Variants in TMEM117 observed in about 807,000 individuals in gnomAD.
TMEM117 encodes transmembrane protein 117.
Under a neutral mutation model 52.4 loss-of-function variants are expected in TMEM117, and 27 were observed. The ratio of observed to expected loss-of-function variants is 0.51; its 90% confidence interval spans 0.38 to 0.71. TMEM117 has a LOEUF of 0.71. Ranked by LOEUF, TMEM117 falls within the 30% of genes least tolerant of loss-of-function variation. TMEM117 has a pLI of 0.00. For missense variants in TMEM117, 556 were observed against 630.5 expected, an observed-to-expected ratio of 0.88 and a Z score of 1.26; for synonymous variants, 215 against 206.3, an observed-to-expected ratio of 1.04 and a Z score of -0.36.
intron 6 of TMEM117, among the ~76,000 whole-genome samples, chr12:44,355,077 TTTA>T (rs1400008711): frequency 6.6e-6 from 1 of 152,178 alleles, no homozygotes; most frequent in East Asian, 1.9e-4. Context: ...ATATTCTGTT[TTTA>T]TTATTATTTC....
intron 1 of TMEM117, among the ~76,000 whole-genome samples, chr12:43,842,454 AAT>A (rs1311225269): frequency 1.2e-5 from 1 of 85,448 alleles, no homozygotes; most frequent in East Asian, 2.2e-4. Flanking sequence ...TTCTATTGCC[AAT>A]GTTTATATTG....
At chr12:44,280,335 T>C (rs1950562629) in intron 5 of TMEM117, among the ~76,000 whole-genome samples, 1 of 152,224 alleles carries the variant, frequency 6.6e-6, no homozygotes, top group African/African-American at 2.4e-5. Context: ...CACAGTTCTT[T>C]TATTCACATA....
chr12:43,841,111 G>A (rs1024018966), intron 1 of TMEM117, among the ~76,000 whole-genome samples: 1 of 152,168 alleles, frequency 6.6e-6, no homozygotes, highest in African/African-American at 2.4e-5. Flanking sequence ...GGACCCTCTA[G>A]AAGATATCAC....
chr12:44,306,406 G>C (rs946355752), intron 6 of TMEM117, among the ~76,000 whole-genome samples: 2 of 152,042 alleles, frequency 1.3e-5, no homozygotes, highest in Non-Finnish European at 2.9e-5. Flanking sequence ...AGATATATAT[G>C]TGCAGGTGTG....
chr12:44,167,452 A>G (rs1948983575), intron 4 of TMEM117, among the ~76,000 whole-genome samples: 1 of 152,100 alleles, frequency 6.6e-6, no homozygotes, highest in Non-Finnish European at 1.5e-5. Context: ...GCAGATCAAG[A>G]GGCCAGGAGA....
intron 3 of TMEM117, among the ~76,000 whole-genome samples, chr12:44,080,730 A>C (rs1947468433): frequency 6.6e-6 from 1 of 152,204 alleles, no homozygotes; most frequent in Non-Finnish European, 1.5e-5. Flanking sequence ...GACCCAATGA[A>C]GATGATATAA....
chr12:44,372,353 G>A (rs538499466), intron 6 of TMEM117, among the ~76,000 whole-genome samples: 2 of 152,054 alleles, frequency 1.3e-5, no homozygotes, highest in Non-Finnish European at 2.9e-5. Context: ...TAGAAGGAAA[G>A]AAAGCCATGA....
chr12:44,185,406 T>C (rs977678084), intron 4 of TMEM117, among the ~76,000 whole-genome samples: 5 of 152,188 alleles, frequency 3.3e-5, no homozygotes. Context: ...ACCTTTGTCC[T>C]CTAAGTTATA....
At chr12:43,905,617 G>A (rs1944373728) in intron 2 of TMEM117, among the ~76,000 whole-genome samples, 1 of 152,214 alleles carries the variant, frequency 6.6e-6, no homozygotes, top group Non-Finnish European at 1.5e-5. Flanking sequence ...CAGCTTGAGA[G>A]TGTTAGAAAT....
intron 6 of TMEM117, among the ~76,000 whole-genome samples, chr12:44,321,336 G>A (rs113892233): frequency 1.3e-5 from 2 of 152,106 alleles, no homozygotes; most frequent in Admixed American, 1.3e-4. Flanking sequence ...GTTGAAATGG[G>A]TATCCTCTAT....
chr12:43,797,010 A>G, the TMEM117 span: 29 of 1,611,300 alleles, frequency 1.8e-5, no homozygotes, highest in Non-Finnish European at 2.5e-5. Context: ...TTGTCTTTCT[A>G]CAATTTCTAG....
chr12:44,332,075 G>A (rs938818053), intron 6 of TMEM117, among the ~76,000 whole-genome samples: 5 of 152,024 alleles, frequency 3.3e-5, no homozygotes, highest in African/African-American at 1.2e-4. Flanking sequence ...AGATGGAACA[G>A]CCACTTTTTC....
intron 3 of TMEM117, among the ~76,000 whole-genome samples, chr12:44,056,346 AC>A (rs1321591019): frequency 3.2e-4 from 49 of 152,196 alleles, no homozygotes; most frequent in Admixed American, 3.2e-3. Flanking sequence ...ACATTGACAC[AC>A]TTTTCCAAAC....
At chr12:44,177,084 C>T (rs1449507917) in intron 4 of TMEM117, among the ~76,000 whole-genome samples, 1 of 152,074 alleles carries the variant, frequency 6.6e-6, no homozygotes, top group Non-Finnish European at 1.5e-5. Flanking sequence ...AAGCTACAAA[C>T]CATTAAAGAA....
chr12:43,806,304 G>A, the TMEM117 span: 7 of 1,440,842 alleles, frequency 4.9e-6, no homozygotes, highest in Admixed American at 1.0e-4. Context: ...CCCGGCCGGC[G>A]GCCCCAGGAA....
intron 4 of TMEM117, among the ~76,000 whole-genome samples, chr12:44,210,649 C>G (rs1239174559): frequency 6.6e-6 from 1 of 152,042 alleles, no homozygotes; most frequent in Non-Finnish European, 1.5e-5. Flanking sequence ...AAGGATGGGT[C>G]AAGAACCACA....
intron 7 of TMEM117, among the ~76,000 whole-genome samples, chr12:44,381,987 C>G (rs1952027688): frequency 6.6e-6 from 1 of 152,148 alleles, no homozygotes; most frequent in South Asian, 2.1e-4. Flanking sequence ...ATGAATTTAT[C>G]CAAAGTACAC....
At chr12:43,859,726 A>G (rs186148272) in intron 2 of TMEM117, among the ~76,000 whole-genome samples, 8 of 152,222 alleles carry the variant, frequency 5.3e-5, no homozygotes, top group Admixed American at 3.9e-4. Context: ...AAGGAAGAGA[A>G]TATGTGAGGA....
At chr12:44,038,406 C>T (rs1272493240) in intron 3 of TMEM117, among the ~76,000 whole-genome samples, 1 of 152,222 alleles carries the variant, frequency 6.6e-6, no homozygotes, top group Non-Finnish European at 1.5e-5. Flanking sequence ...CACAGCCTCA[C>T]AGGGAGCCAG....
Sources: allele counts gnomAD v4.1 joint callset (sites outside exome capture counted in the v4.1 genomes callset), GRCh38; gene constraint gnomAD v4.1.1; transcripts MANE v1.5; gene names NCBI Gene and HGNC (gene_info 2026-07-23, HGNC 2026-07-21).